The following COLEC12 variants were observed in gnomAD, a reference collection of about 807,000 sequenced individuals.
COLEC12 encodes the protein collectin-12.
COLEC12 carries 33 observed loss-of-function variants against 71.1 expected under a neutral mutation model. That is an observed-to-expected ratio of 0.46 (90% CI 0.35 to 0.62). The LOEUF (loss-of-function observed/expected upper bound fraction) is 0.62. Among genes scored for constraint, COLEC12 ranks in the 20% least tolerant of loss-of-function variants. The probability of loss-of-function intolerance (pLI) is 0.00; values close to 1 mark genes in which losing one functional copy is unlikely to be tolerated. For missense variants in COLEC12, 765 were observed against 916.1 expected, an observed-to-expected ratio of 0.84 and a Z score of 2.13; for synonymous variants, 350 against 353.0, an observed-to-expected ratio of 0.99 and a Z score of 0.10.
intron 8 of COLEC12, among the ~76,000 whole-genome samples, chr18:326,494 T>C (rs999994881): frequency 5.3e-5 from 8 of 152,234 alleles, no homozygotes; most frequent in African/African-American, 1.4e-4. Context: ...ATTACAGGCA[T>C]CCGCCACCAC....
intron 2 of COLEC12, 24 bp from the exon 3 acceptor site, chr18:357,546 T>C (rs746333351): frequency 3.2e-5 from 49 of 1,510,620 alleles, no homozygotes; most frequent in Non-Finnish European, 4.2e-5. Flanking sequence ...CAAATTTTAA[T>C]AACAGTAAGC....
intron 2 of COLEC12, among the ~76,000 whole-genome samples, chr18:428,071 C>A (rs1283181923): frequency 6.6e-6 from 1 of 151,910 alleles, no homozygotes; most frequent in Non-Finnish European, 1.5e-5. Flanking sequence ...TTGAGACCAG[C>A]CTGGCCAACA....
intron 1 of COLEC12, among the ~76,000 whole-genome samples, chr18:482,019 G>A (rs1267294500): frequency 1.3e-5 from 2 of 151,824 alleles, no homozygotes; most frequent in Non-Finnish European, 2.9e-5. Flanking sequence ...CATCACCCAC[G>A]TAGTGAGCAT....
At chr18:324,235 A>T (rs1284258564) in intron 8 of COLEC12, among the ~76,000 whole-genome samples, 8 of 152,230 alleles carry the variant, frequency 5.3e-5, no homozygotes, top group Non-Finnish European at 1.2e-4. Context: ...TATAGAACGT[A>T]ACGTGTCAAA....
chr18:374,078 G>A (rs1483814681), intron 2 of COLEC12, among the ~76,000 whole-genome samples: 1 of 152,154 alleles, frequency 6.6e-6, no homozygotes, highest in Non-Finnish European at 1.5e-5. Context: ...TGCTAGAATT[G>A]GAGGTATTTC....
At chr18:482,285 T>G (rs964438103) in intron 1 of COLEC12, among the ~76,000 whole-genome samples, 3 of 151,978 alleles carry the variant, frequency 2.0e-5, no homozygotes, top group African/African-American at 2.4e-5. Flanking sequence ...CGCTAATTTT[T>G]GTAATTTCAG....
intron 2 of COLEC12, among the ~76,000 whole-genome samples, chr18:423,026 G>A (rs2621199): frequency 2.0e-5 from 3 of 152,206 alleles, no homozygotes; most frequent in South Asian, 2.1e-4. Flanking sequence ...ATCCTAATAC[G>A]TTGGGAGGCC....
chr18:441,210 T>C (rs190353037), intron 2 of COLEC12, among the ~76,000 whole-genome samples: 2,147 of 150,464 alleles, frequency 0.014, 50 homozygotes, highest in African/African-American at 0.044. Flanking sequence ...ATTGTGCCAC[T>C]GCACTCCAGC....
At chr18:409,500 G>T (rs1485986038) in intron 2 of COLEC12, among the ~76,000 whole-genome samples, 1 of 152,156 alleles carries the variant, frequency 6.6e-6, no homozygotes, top group Non-Finnish European at 1.5e-5. Flanking sequence ...ACTCCAGCCT[G>T]GGCGACAAGA....
At chr18:458,166 C>A (rs997734182) in intron 2 of COLEC12, among the ~76,000 whole-genome samples, 9 of 152,172 alleles carry the variant, frequency 5.9e-5, no homozygotes, top group African/African-American at 2.2e-4. Context: ...ATTTGCAGTT[C>A]TTTTACTGTT....
chr18:424,520 C>T (rs1356469082), intron 2 of COLEC12: 2 of 152,158 alleles, frequency 1.3e-5, no homozygotes, highest in Non-Finnish European at 2.9e-5. Flanking sequence ...GAGGCTTCTG[C>T]CTGATTATTT....
intron 3 of COLEC12, 124 bp from the exon 4 acceptor site, chr18:348,287 A>C: frequency 1.7e-6 from 1 of 578,862 alleles, no homozygotes; most frequent in South Asian, 2.6e-5. Context: ...AGTGTAACTG[A>C]AATCAAATAT....
At chr18:398,535 T>C (rs1037272866) in intron 2 of COLEC12, among the ~76,000 whole-genome samples, 1 of 152,182 alleles carries the variant, frequency 6.6e-6, no homozygotes, top group Non-Finnish European at 1.5e-5. Flanking sequence ...CCTCTCCAGG[T>C]CTGAGCCTCC....
At chr18:494,435 T>A (rs1005939142) in intron 1 of COLEC12, among the ~76,000 whole-genome samples, 6 of 132,184 alleles carry the variant, frequency 4.5e-5, no homozygotes, top group African/African-American at 1.8e-4. Flanking sequence ...AACAACTATT[T>A]AATCCTTAAA....
At chr18:391,472 G>A (rs1185383488) in intron 2 of COLEC12, among the ~76,000 whole-genome samples, 1 of 152,196 alleles carries the variant, frequency 6.6e-6, no homozygotes, top group Non-Finnish European at 1.5e-5. Flanking sequence ...CTGAGGTCCG[G>A]AATCTCCTCC....
chr18:404,556 C>T (rs925547244), intron 2 of COLEC12, among the ~76,000 whole-genome samples: 2 of 152,020 alleles, frequency 1.3e-5, no homozygotes, highest in Admixed American at 6.6e-5. Flanking sequence ...AGTTAGGGAC[C>T]CCAAACGGAG....
intron 2 of COLEC12, among the ~76,000 whole-genome samples, chr18:378,316 T>G (rs1915156776): frequency 6.6e-6 from 1 of 152,218 alleles, no homozygotes; most frequent in Non-Finnish European, 1.5e-5. Context: ...TCAGAAGAAG[T>G]TGTGAATTAA....
chr18:495,631 C>T lies in COLEC12; in HGVS notation c.7+4877G>A, dbSNP rs541006313. On this transcript the variant is annotated intron_variant, in intron 1 of 9. Coordinates refer to ENST00000400256, the MANE Select transcript of COLEC12 (RefSeq NM_130386.3). ...CTGAAGAACACATCAATCCTTCAGA[C>T]CTTTGATGCTAGGTCATTACAGTTC... Among the ~76,000 whole-genome samples, 6 of 152,302 alleles carry T rather than the reference C, an allele frequency of 3.9e-5. No individual in the cohort carries two copies. In the South Asian group the frequency reaches 1.2e-3, roughly 32 times the overall value.
intron 2 of COLEC12, among the ~76,000 whole-genome samples, chr18:388,509 T>C (rs1338222264): frequency 2.0e-5 from 3 of 152,226 alleles, no homozygotes; most frequent in Non-Finnish European, 2.9e-5. Flanking sequence ...TATGAAACGA[T>C]TCACTTGTCA....
Sources: allele counts gnomAD v4.1 joint callset (sites outside exome capture counted in the v4.1 genomes callset), GRCh38; gene constraint gnomAD v4.1.1; transcripts MANE v1.5; gene names NCBI Gene and HGNC (gene_info 2026-07-23, HGNC 2026-07-21).